Variants in SLC2A9 observed in about 807,000 individuals in gnomAD.
SLC2A9 encodes solute carrier family 2 member 9.
Under a neutral mutation model 50.6 loss-of-function variants are expected in SLC2A9, and 39 were observed. The observed-to-expected ratio is 0.77, with a 90% CI of 0.60 to 1.01. The LOEUF (loss-of-function observed/expected upper bound fraction) is 1.01, where lower values mean the gene tolerates loss of function less well. SLC2A9 is among the 50% of genes least tolerant of loss of function. SLC2A9 has a pLI of 0.00. For missense variants in SLC2A9, 686 were observed against 677.6 expected (o/e 1.01, Z -0.14); for synonymous variants, 324 against 276.9 (o/e 1.17, Z -1.69).
At chr4:9,872,438 C>G (rs947621848) in intron 10 of SLC2A9, among the ~76,000 whole-genome samples, 1 of 152,214 alleles carries the variant, frequency 6.6e-6, no homozygotes, top group African/African-American at 2.4e-5. Flanking sequence ...GAAACCCAGT[C>G]TGTGAATGTG....
At chr4:9,985,608 C>T in intron 4 of SLC2A9, 61 bp downstream of exon 4, 1 of 1,608,414 alleles carries the variant, frequency 6.2e-7, no homozygotes, top group Non-Finnish European at 8.5e-7. Context: ...ACACTTCTCA[C>T]ATTTTGGGAC....
At chr4:10,025,904 C>G (rs530424219), upstream of SLC2A9, 78 of 1,613,880 alleles carry the variant, frequency 4.8e-5, no homozygotes, top group Non-Finnish European at 6.1e-5. Flanking sequence ...AAGGACTGAC[C>G]AATTTCTTTT....
At chr4:9,848,293 A>G (rs1402584480) in intron 10 of SLC2A9, among the ~76,000 whole-genome samples, 1 of 151,894 alleles carries the variant, frequency 6.6e-6, no homozygotes, top group Non-Finnish European at 1.5e-5. Flanking sequence ...ACACAGCCCA[A>G]CCAGGTAGCC....
chr4:9,774,556 T>A (rs1225981138), intron 1 of SLC2A9, among the ~76,000 whole-genome samples: 1 of 152,162 alleles, frequency 6.6e-6, no homozygotes, highest in Non-Finnish European at 1.5e-5. Context: ...ACATTGTTTA[T>A]TCCTTGTGCT....
chr4:9,959,941 G>A (rs1751989631), intron 5 of SLC2A9, among the ~76,000 whole-genome samples: 1 of 152,180 alleles, frequency 6.6e-6, no homozygotes, highest in African/African-American at 2.4e-5. Flanking sequence ...TTGGTGGTAG[G>A]CAGGGAGATA....
chr4:10,016,460 C>T (rs1762626711), intron 2 of SLC2A9, among the ~76,000 whole-genome samples: 1 of 152,138 alleles, frequency 6.6e-6, no homozygotes, highest in African/African-American at 2.4e-5. Context: ...AGGGCCGGCA[C>T]CTCATGAGGG....
chr4:9,822,074 G>T (rs557706985), downstream of SLC2A9, among the ~76,000 whole-genome samples: 27 of 152,244 alleles, frequency 1.8e-4, no homozygotes, highest in South Asian at 5.4e-3. Context: ...TAGGGATATT[G>T]CCTCTTTCAT....
intron 9 of SLC2A9, among the ~76,000 whole-genome samples, chr4:9,888,410 A>C (rs1736706373): frequency 6.6e-6 from 1 of 151,808 alleles, no homozygotes; most frequent in Non-Finnish European, 1.5e-5. Context: ...CCATCTTGCA[A>C]GGTGTGAGAT....
intron 5 of SLC2A9, among the ~76,000 whole-genome samples, chr4:9,952,414 C>T (rs1164020959): frequency 6.6e-6 from 1 of 152,150 alleles, no homozygotes; most frequent in Non-Finnish European, 1.5e-5. Context: ...GGTGATGTGC[C>T]TGCTCCTGGA....
At chr4:9,932,609 G>A (rs1746349314) in intron 6 of SLC2A9, among the ~76,000 whole-genome samples, 3 of 152,352 alleles carry the variant, frequency 2.0e-5, no homozygotes, top group African/African-American at 4.8e-5. Context: ...AGGAAGTGAG[G>A]GAGGTGTGGG....
chr4:10,028,677 A>C (rs760007275), intron 1 of SLC2A9, among the ~76,000 whole-genome samples: 6 of 152,174 alleles, frequency 3.9e-5, no homozygotes, highest in Admixed American at 3.9e-4. Flanking sequence ...ACCATTCTGC[A>C]ATCTGTCTAA....
intron 6 of SLC2A9, among the ~76,000 whole-genome samples, chr4:9,935,732 C>A (rs1343675535): frequency 6.6e-6 from 1 of 152,164 alleles, no homozygotes; most frequent in Non-Finnish European, 1.5e-5. Context: ...GACGTGTGCC[C>A]CTGAACATAT....
At chr4:9,842,856 C>T (rs534070364) in intron 10 of SLC2A9, among the ~76,000 whole-genome samples, 19 of 152,284 alleles carry the variant, frequency 1.2e-4, no homozygotes, top group Admixed American at 1.2e-3. Context: ...GCCCCAGAAG[C>T]AGACCCTGAG....
intron 1 of SLC2A9, among the ~76,000 whole-genome samples, chr4:10,032,991 G>C (rs1248453061): frequency 2.6e-5 from 4 of 152,072 alleles, no homozygotes; most frequent in Admixed American, 2.0e-4. Context: ...TGTAAAGCCG[G>C]GCACTGCCGA....
At chr4:9,780,456 A>C (rs1718185363) in intron 3 of SLC2A9, among the ~76,000 whole-genome samples, 1 of 152,028 alleles carries the variant, frequency 6.6e-6, no homozygotes, top group South Asian at 2.1e-4. Context: ...GGTTGGGGGA[A>C]GGGACTGTGT....
At chr4:9,817,520 G>A (rs1435581475) in intron 3 of SLC2A9, among the ~76,000 whole-genome samples, 1 of 152,190 alleles carries the variant, frequency 6.6e-6, no homozygotes, top group Admixed American at 6.5e-5. Context: ...AATAGAAGAG[G>A]AATGTTTCAT....
At chr4:9,951,529 T>C (rs1471930458) in intron 5 of SLC2A9, among the ~76,000 whole-genome samples, 1 of 152,168 alleles carries the variant, frequency 6.6e-6, no homozygotes, top group East Asian at 1.9e-4. Context: ...ACCCCATAAA[T>C]TTGTACAGAT....
chr4:10,020,166 G>A (rs1028930793), intron 1 of SLC2A9, among the ~76,000 whole-genome samples: 3 of 152,042 alleles, frequency 2.0e-5, no homozygotes, highest in African/African-American at 4.8e-5. Flanking sequence ...GTCAAATCCC[G>A]TCTGGAAGGG....
chr4:9,970,068 G>A (rs1298658813), intron 5 of SLC2A9, among the ~76,000 whole-genome samples: 1 of 152,222 alleles, frequency 6.6e-6, no homozygotes, highest in African/African-American at 2.4e-5. Context: ...TAAGCCAGGT[G>A]GAAAACTGTG....
Sources: gnomAD v4.1 joint callset for allele counts (sites outside exome capture counted in the v4.1 genomes callset) on GRCh38, gnomAD v4.1.1 for gene constraint, MANE v1.5 for transcripts, NCBI Gene and HGNC (gene_info 2026-07-23, HGNC 2026-07-21) for gene names.